The following SDCCAG8 variants were observed in gnomAD, a reference collection of about 807,000 sequenced individuals.
SDCCAG8 encodes SHH signaling and ciliogenesis regulator SDCCAG8.
A neutral mutation model predicts 101.8 loss-of-function variants in SDCCAG8; 74 were observed. The ratio of observed to expected loss-of-function variants is 0.73; its 90% CI spans 0.60 to 0.88. SDCCAG8 has a LOEUF of 0.88. Ranked by LOEUF, SDCCAG8 falls within the 40% of genes least tolerant of loss-of-function variation. The probability of loss-of-function intolerance (pLI) is 0.00; values close to 1 mark genes in which losing one functional copy is unlikely to be tolerated. For missense variants in SDCCAG8, 787 were observed against 822.6 expected (o/e 0.96, Z 0.53); for synonymous variants, 281 against 292.9 (o/e 0.96, Z 0.41).
chr1:243,421,760 G>A (rs553893495), intron 15 of SDCCAG8, among the ~76,000 whole-genome samples: 2 of 152,262 alleles, frequency 1.3e-5, no homozygotes, highest in African/African-American at 2.4e-5. Context: ...TTTAGTTGAA[G>A]CTCACATAAA....
At chr1:243,389,150 T>TCCCC (rs373392073) in intron 13 of SDCCAG8, among the ~76,000 whole-genome samples, 2 of 116,704 alleles carry the variant, frequency 1.7e-5, no homozygotes, top group African/African-American at 6.4e-5. Flanking sequence ...CTGTCCCCCC[T>TCCCC]CCCCCCCCCA....
At chr1:243,400,762 C>G (rs555806409) in intron 13 of SDCCAG8, among the ~76,000 whole-genome samples, 2 of 152,288 alleles carry the variant, frequency 1.3e-5, no homozygotes, top group South Asian at 4.1e-4. Context: ...TAAAGCATGA[C>G]TCTGAATGAG....
rs369344031 is a variant in SDCCAG8 at position 243,284,220 on chromosome 1, A to G, written c.421-2052A>G. Among the ~76,000 whole-genome samples the G allele has an allele frequency of 2.6e-4, 39 of 152,328 alleles. No individual in the cohort carries two copies. In the South Asian group the frequency reaches 6.8e-3, roughly 27 times the overall value. ...TTTGGTAAAAGGAACTGAGGTAAGT[A>G]GGCCTTTAGCATGAGCTTTTATGTT... is the stretch of plus-strand genomic sequence containing the variant. On this transcript the variant is annotated intron_variant, in intron 4 of 17. Transcript: ENST00000366541.
rs1055686970 is a variant in SDCCAG8, at chr1:243,402,370, C to T, written c.1617-13332C>T. Among the ~76,000 whole-genome samples, 3 of 141,816 alleles carry T rather than the reference C, an allele frequency of 2.1e-5. No individual in the cohort carries two copies. The Admixed American group carries it at 2.2e-4, about 10-fold the overall frequency. 93.0% of individuals were successfully genotyped at this position (141,816 alleles called of 152,430 possible). On this transcript the variant is annotated intron_variant, in intron 13 of 17. Transcript: ENST00000366541. ...GCTTGAACCCGGGAGGCGGAGGTTGCGGTGAGCTGGGCAACAAGCAAAACT... is the reference window on the plus strand; with the variant it reads ...GCTTGAACCCGGGAGGCGGAGGTTGTGGTGAGCTGGGCAACAAGCAAAACT...
chr1:243,328,947 A>T (rs976439570), intron 9 of SDCCAG8, among the ~76,000 whole-genome samples: 1 of 152,050 alleles, frequency 6.6e-6, no homozygotes, highest in Non-Finnish European at 1.5e-5. Flanking sequence ...AAACTTTCTG[A>T]TTGGATATAT....
intron 4 of SDCCAG8, among the ~76,000 whole-genome samples, chr1:243,276,948 A>G (rs1011353704): frequency 6.6e-6 from 1 of 152,148 alleles, no homozygotes; most frequent in Non-Finnish European, 1.5e-5. Context: ...TATGAATTCA[A>G]GTTTCCTCCT....
rs1324043070 is a variant in SDCCAG8 at position 243,256,120 on chromosome 1, A to G, written c.-54A>G. 6.5e-7 allele frequency: 1 copy of G among 1,530,716 alleles called. No individual in the cohort carries two copies. Among genetic ancestry groups the G allele is most frequent in the African/African-American group, 1.4e-5 (1 of 73,388 alleles). The allele number at this position is 1,530,716 out of a possible 1,614,324, so 94.8% of individuals were successfully genotyped here. A position where few individuals can be genotyped will look rare whatever the true frequency, so the allele number is the denominator to read the frequency against. ...CACAGGCCTGTTGTTCTCGGAAGGG[A>G]GAAAGCTGGACATTTCCCCACGTAA... On this transcript the variant is annotated 5_prime_UTR_variant, in exon 1 of 18. Transcript: ENST00000366541.
intron 16 of SDCCAG8, among the ~76,000 whole-genome samples, chr1:243,430,983 G>A (rs2081719732): frequency 1.3e-5 from 2 of 151,844 alleles, no homozygotes; most frequent in South Asian, 4.2e-4. Context: ...TGGATCATGA[G>A]GTCAGGAGTT....
rs1022672766 is a variant in SDCCAG8, at chr1:243,341,261, A to G, written c.1356+88A>G. 252 of 1,460,854 alleles carry G rather than the reference A, an allele frequency of 1.7e-4. 1 individual carries two copies. The highest frequency in any genetic ancestry group is 5.6e-5 in the African/African-American group (4 of 71,300). The allele number at this position is 1,460,854 out of a possible 1,614,324, so 90.5% of individuals were successfully genotyped here. A position where few individuals can be genotyped will look rare whatever the true frequency, so the allele number is the denominator to read the frequency against. ...CCTAATGTACAAAACTCTTACTGTT[A>G]TCAGGAGGAAGTTTGGAGTAGAAAA... On this transcript the variant is annotated intron_variant, in intron 11 of 17. Transcript: ENST00000366541.
At chr1:243,304,563 C>A in intron 6 of SDCCAG8, 150 bp from the exon 7 acceptor site, 1 of 603,558 alleles carries the variant, frequency 1.7e-6, no homozygotes, top group Non-Finnish European at 3.0e-6. Context: ...TAGAAAAATT[C>A]AAGTGGACTA....
intron 17 of SDCCAG8, among the ~76,000 whole-genome samples, chr1:243,496,650 G>T (rs1288721415): frequency 6.6e-6 from 1 of 152,182 alleles, no homozygotes; most frequent in Non-Finnish European, 1.5e-5. Flanking sequence ...GGGGCGAGGG[G>T]TGCCACCATC....
At position 243,474,908 on chromosome 1, in the gene SDCCAG8, T is replaced by C. The variant is rs1166481472; in HGVS notation, c.1986-14106T>C. Among the ~76,000 whole-genome samples the C allele has an allele frequency of 1.3e-5, 2 of 152,208 alleles. No homozygotes were observed. The highest frequency in any genetic ancestry group is 6.5e-5 in the Admixed American group (1 of 15,290). ...ATTTAGAATCGGGGAAAAATCTACCTTCTGTTTAGCAGTTGCTCTTTTCTG... is the reference window on the plus strand; with the variant it reads ...ATTTAGAATCGGGGAAAAATCTACCCTCTGTTTAGCAGTTGCTCTTTTCTG... On this transcript the variant is annotated intron_variant, in intron 16 of 17. Transcript: ENST00000366541. The surrounding 1 kb of genome is among the most constrained non-coding windows in gnomAD (Gnocchi z 4.7).
intron 16 of SDCCAG8, among the ~76,000 whole-genome samples, chr1:243,481,082 A>G (rs114869774): frequency 1.3e-5 from 2 of 152,012 alleles, no homozygotes; most frequent in African/African-American, 4.8e-5. Context: ...TGGAAATGCA[A>G]GAGAGAGGCC....
intron 9 of SDCCAG8, among the ~76,000 whole-genome samples, chr1:243,317,816 A>G (rs1002020530): frequency 3.9e-5 from 6 of 152,238 alleles, no homozygotes; most frequent in Admixed American, 2.6e-4. Context: ...ACACACTAGC[A>G]TACAATTCAA....
chr1:243,405,533 C>T (rs1324270613), intron 13 of SDCCAG8, among the ~76,000 whole-genome samples: 1 of 152,150 alleles, frequency 6.6e-6, no homozygotes, highest in Non-Finnish European at 1.5e-5. Flanking sequence ...TCCATAGGCA[C>T]TTACTAGCAA....
chr1:243,270,636 C>A (rs2068006859), intron 2 of SDCCAG8, among the ~76,000 whole-genome samples: 1 of 152,064 alleles, frequency 6.6e-6, no homozygotes, highest in Admixed American at 6.6e-5. Context: ...TTATCCTTTT[C>A]TGCTTGGTGA....
intron 12 of SDCCAG8, among the ~76,000 whole-genome samples, chr1:243,375,601 G>A (rs2077554556): frequency 1.3e-5 from 2 of 152,146 alleles, no homozygotes. Flanking sequence ...TTGATAAGGT[G>A]TAAAGCTATC....
chr1:243,350,695 C>T (rs1381149778), intron 12 of SDCCAG8, among the ~76,000 whole-genome samples: 1 of 152,084 alleles, frequency 6.6e-6, no homozygotes, highest in African/African-American at 2.4e-5. Flanking sequence ...AGAACAAGAA[C>T]AAAGGGATTT....
intron 1 of SDCCAG8, among the ~76,000 whole-genome samples, chr1:243,260,463 A>G (rs145503333): frequency 6.6e-6 from 1 of 152,360 alleles, no homozygotes; most frequent in African/African-American, 2.4e-5. Flanking sequence ...GAGGTATGAA[A>G]TGAACTATTT....
Sources: gnomAD v4.1 joint callset for allele counts (sites outside exome capture counted in the v4.1 genomes callset) on GRCh38, gnomAD v4.1.1 for gene constraint, Gnocchi (gnomAD v3.1) non-coding constraint, MANE v1.5 for transcripts, NCBI Gene and HGNC (gene_info 2026-07-23, HGNC 2026-07-21) for gene names.